The following GTF2A1L variants were observed in gnomAD, a reference collection of about 807,000 sequenced individuals.
GTF2A1L encodes the protein TFIIA-alpha and beta-like factor.
A neutral mutation model predicts 49.7 loss-of-function variants in GTF2A1L; 48 were observed. That is an observed-to-expected ratio of 0.97 (90% confidence interval 0.77 to 1.23). The LOEUF (loss-of-function observed/expected upper bound fraction) is 1.23, where lower values mean the gene tolerates loss of function less well. Ranked by LOEUF, GTF2A1L falls within the 50% of genes most tolerant of loss-of-function variation. The probability of loss-of-function intolerance (pLI) is 0.00; values close to 1 mark genes in which losing one functional copy is unlikely to be tolerated. For missense variants in GTF2A1L, 736 were observed against 564.8 expected, an observed-to-expected ratio of 1.30 and a Z score of -3.07; for synonymous variants, 246 against 193.5, an observed-to-expected ratio of 1.27 and a Z score of -2.25.
rs531165665 is a variant in GTF2A1L at position 48,641,249 on chromosome 2, T to C, written c.248-1153T>C. ...TTCCTGCCAGTTCAATTCTTTCTAA[T>C]TTAGCTTTTCTAAAATAATGCCTGT... is the stretch of plus-strand genomic sequence containing the variant. On this transcript the variant is annotated intron_variant, in intron 3 of 8. Transcript: ENST00000403751. 2.6e-4 allele frequency among the ~76,000 whole-genome samples: 39 copies of C among 152,334 alleles called. No homozygotes were observed. In the South Asian group the frequency reaches 3.5e-3, roughly 14 times the overall value.
In GTF2A1L at chr2:48,671,582, C is replaced by T. The variant is rs17037494; in HGVS notation, c.1240-9C>T. ...AAAATTCCTTAATGTGATCATCTTT[C>T]GTCTTTAGGACCCTTTAAATTCTGG... On this transcript the variant is annotated splice_polypyrimidine_tract_variant and intron_variant, in intron 7 of 8. Coordinates refer to ENST00000403751, the MANE Select transcript of GTF2A1L (RefSeq NM_006872.5). 1.3e-3 allele frequency: 2,091 copies of T among 1,609,604 alleles called. 17 individuals carry two copies. In the African/African-American group the frequency reaches 0.024, roughly 19 times the overall value.
intron 2 of GTF2A1L, 35 bp downstream of exon 2, chr2:48,620,987 T>C: frequency 1.9e-6 from 3 of 1,588,120 alleles, no homozygotes; most frequent in Admixed American, 3.7e-5. Context: ...TTCCTGTCTT[T>C]TGTTGTTTTT....
intron 3 of GTF2A1L, among the ~76,000 whole-genome samples, chr2:48,642,078 A>C (rs988686930): frequency 2.0e-5 from 3 of 152,222 alleles, no homozygotes; most frequent in African/African-American, 7.2e-5. Context: ...GAAATGTGCC[A>C]CTTTAATAAA....
chr2:48,670,958 G>A (rs1307567012), intron 7 of GTF2A1L, among the ~76,000 whole-genome samples: 2 of 151,956 alleles, frequency 1.3e-5, no homozygotes, highest in Non-Finnish European at 2.9e-5. Context: ...TGAGTAGCTA[G>A]GATTACAGGC....
chr2:48,632,186 T>C (rs1436498322), intron 3 of GTF2A1L: 2 of 152,216 alleles, frequency 1.3e-5, no homozygotes, highest in African/African-American at 2.4e-5. Context: ...TTCTTTTTTA[T>C]ATTCCAGTCC....
chr2:48,617,861 C>T lies in GTF2A1L; in HGVS notation c.-14C>T, dbSNP rs199837598. On this transcript the variant is annotated 5_prime_UTR_variant, in exon 1 of 9. Coordinates refer to ENST00000403751, the MANE Select transcript of GTF2A1L (RefSeq NM_006872.5). ...CCGCGCAGGCGCAAAGGGCCAGGTGCTGGAGGTGCTGTCATGGCCTGCCTC... is the reference window on the plus strand; with the variant it reads ...CCGCGCAGGCGCAAAGGGCCAGGTGTTGGAGGTGCTGTCATGGCCTGCCTC... 6 of 1,551,800 alleles carry T rather than the reference C, an allele frequency of 3.9e-6. No homozygotes were observed. Among genetic ancestry groups the T allele is most frequent in the South Asian group, 1.2e-5 (1 of 84,070 alleles).
intron 8 of GTF2A1L, 36 bp downstream of exon 8, chr2:48,671,716 A>T: frequency 6.4e-7 from 1 of 1,570,470 alleles, no homozygotes; most frequent in East Asian, 2.2e-5. Flanking sequence ...GGGTTTATTA[A>T]CTGCATTTAT....
At chr2:48,618,857 T>C (rs1675812864) in intron 1 of GTF2A1L, among the ~76,000 whole-genome samples, 1 of 152,206 alleles carries the variant, frequency 6.6e-6, no homozygotes, top group Non-Finnish European at 1.5e-5. Context: ...AGAGAAAATA[T>C]GTTCAATACC....
chr2:48,647,432 A>G (rs1225515576), intron 6 of GTF2A1L, among the ~76,000 whole-genome samples: 3 of 152,166 alleles, frequency 2.0e-5, no homozygotes, highest in Non-Finnish European at 4.4e-5. Context: ...CGTTTGTTTT[A>G]AAAGGTAATC....
At chr2:48,668,213 A>G (rs1678955143) in intron 6 of GTF2A1L, among the ~76,000 whole-genome samples, 1 of 152,158 alleles carries the variant, frequency 6.6e-6, no homozygotes, top group Non-Finnish European at 1.5e-5. Context: ...AAGGATGGAA[A>G]GTCATCCTTT....
intron 6 of GTF2A1L, among the ~76,000 whole-genome samples, chr2:48,648,047 T>C (rs1291018866): frequency 6.6e-6 from 1 of 152,102 alleles, no homozygotes; most frequent in Non-Finnish European, 1.5e-5. Context: ...TAAATTTTGC[T>C]AGTTAGGGAA....
intron 3 of GTF2A1L, among the ~76,000 whole-genome samples, chr2:48,634,237 G>A (rs1453041460): frequency 6.6e-6 from 1 of 152,236 alleles, no homozygotes; most frequent in African/African-American, 2.4e-5. Flanking sequence ...TCAGCTTCCT[G>A]AGTAGCTGGG....
At chr2:48,667,374 C>T (rs746560107) in intron 6 of GTF2A1L, among the ~76,000 whole-genome samples, 22 of 152,012 alleles carry the variant, frequency 1.4e-4, no homozygotes, top group South Asian at 1.0e-3. Context: ...TTTGTATGTC[C>T]CATCTGTAAG....
At chr2:48,654,385 A>AAGG (rs1187495229) in intron 6 of GTF2A1L, among the ~76,000 whole-genome samples, 1 of 151,964 alleles carries the variant, frequency 6.6e-6, no homozygotes, top group Admixed American at 6.6e-5. Context: ...TATATGGTGC[A>AAGG]AGGTTAGGAT....
intron 3 of GTF2A1L, among the ~76,000 whole-genome samples, chr2:48,633,701 C>T (rs943876128): frequency 1.4e-4 from 22 of 152,250 alleles, no homozygotes; most frequent in African/African-American, 5.1e-4. Context: ...TTTTCTGCCT[C>T]GATGATCTAA....
intron 6 of GTF2A1L, among the ~76,000 whole-genome samples, chr2:48,661,291 T>C (rs1267495777): frequency 1.5e-4 from 19 of 130,772 alleles, no homozygotes; most frequent in African/African-American, 5.6e-4. Flanking sequence ...AGTTTCACTC[T>C]GTTGCCCAGG....
chr2:48,643,886 A>G (rs1677345217), intron 4 of GTF2A1L, among the ~76,000 whole-genome samples: 1 of 152,044 alleles, frequency 6.6e-6, no homozygotes, highest in South Asian at 2.1e-4. Context: ...TTTAGTTGAG[A>G]TGGGGTTTCA....
rs2104200583 is a variant in GTF2A1L, at chr2:48,646,636, A to C, written c.572A>C (p.Glu191Ala). ...ACTACTGAAAAATCACAGAGAATTG[A>C]AACCGTGCTACAGCAACCCGCAATT... ...QATTEKSQRI[E>A]TVLQQPAILP... is the part of the protein sequence containing the mutation. The change falls in exon 6 of 9, where the codon GAA becomes GCA. Residue 191 changes from glutamate (E) to alanine (A), a missense_variant. Glu to Ala is a moderately radical substitution (Grantham distance 107, BLOSUM62 -1). Coordinates refer to ENST00000403751, the MANE Select transcript of GTF2A1L (RefSeq NM_006872.5). 1 of 1,614,162 alleles carries C rather than the reference A, an allele frequency of 6.2e-7. No individual in the cohort carries two copies. Among genetic ancestry groups the C allele is most frequent in the East Asian group, 2.2e-5 (1 of 44,882 alleles).
chr2:48,666,803 A>T (rs532382953), intron 6 of GTF2A1L, among the ~76,000 whole-genome samples: 3 of 151,574 alleles, frequency 2.0e-5, no homozygotes, highest in Non-Finnish European at 4.4e-5. Flanking sequence ...AACTCCCCAA[A>T]CTTGTTATCT....
Sources: allele counts gnomAD v4.1 joint callset (sites outside exome capture counted in the v4.1 genomes callset), GRCh38; gene constraint gnomAD v4.1.1; transcripts MANE v1.5; gene names NCBI Gene and HGNC (gene_info 2026-07-23, HGNC 2026-07-21).